CARD8: variants seen among roughly 807,000 people sequenced by gnomAD.
The protein encoded by CARD8 is caspase recruitment domain-containing protein 8.
Under a neutral mutation model 53.2 loss-of-function variants are expected in CARD8, and 38 were observed. The observed-to-expected ratio is 0.71, with a 90% CI of 0.55 to 0.94. The LOEUF is 0.94. CARD8 is among the 40% of genes least tolerant of loss of function. CARD8 has a pLI of 0.00. For synonymous variants in CARD8, 245 were observed against 244.9 expected (o/e 1.00, Z 0.00); for missense variants, 561 against 655.5 (o/e 0.86, Z 1.57).
chr19:48,204,217 TCAAAGGTTGG>T (rs1568590369), downstream of CARD8: 1 of 455,558 alleles, frequency 2.2e-6, no homozygotes, highest in Non-Finnish European at 4.4e-6. Context: ...GGAGGGGGAT[TCAAAGGTTGG>T]CGTTGCCACA....
chr19:48,254,635 C>T (rs1342998161), intron 1 of CARD8, among the ~76,000 whole-genome samples: 4 of 152,018 alleles, frequency 2.6e-5, no homozygotes, highest in Non-Finnish European at 4.4e-5. Flanking sequence ...CACCTGTAGT[C>T]GCAGCTACTC....
intron 1 of CARD8, among the ~76,000 whole-genome samples, chr19:48,252,787 C>T (rs1016054042): frequency 3.5e-5 from 5 of 141,522 alleles, no homozygotes; most frequent in East Asian, 2.1e-4. Flanking sequence ...TGTGAGCCAC[C>T]GCACTGGCCT....
At chr19:48,203,985 C>T (rs1487359481), downstream of CARD8, 4 of 341,408 alleles carry the variant, frequency 1.2e-5, no homozygotes, top group South Asian at 6.2e-5. Flanking sequence ...GTAGAACCCG[C>T]GGGCCCAGAG....
At chr19:48,243,781 A>AT (rs2045633542) in intron 3 of CARD8, among the ~76,000 whole-genome samples, 1 of 152,162 alleles carries the variant, frequency 6.6e-6, no homozygotes, top group African/African-American at 2.4e-5. Flanking sequence ...ATCCCAGGAG[A>AT]TTAAGGTCGC....
intron 5 of CARD8, among the ~76,000 whole-genome samples, chr19:48,235,346 T>A (rs756641297): frequency 2.0e-5 from 3 of 152,154 alleles, no homozygotes; most frequent in Non-Finnish European, 4.4e-5. Context: ...AGTTTTAAAT[T>A]GTTAAATGTG....
intron 13 of CARD8, 90 bp from the exon 14 acceptor site, chr19:48,212,065 G>A: frequency 1.6e-6 from 2 of 1,226,138 alleles, no homozygotes; most frequent in Middle Eastern, 2.6e-4. Context: ...ATTCAGGGGT[G>A]GGAGATTGCT....
In CARD8 at chr19:48,221,854, G is replaced by T. The variant is rs1205153080; in HGVS notation, c.1037C>A (p.Ala346Glu). Reference sequence around the variant, plus strand: ...GAAGCGATCTTCCTCATCATCTATCGCCTAAGGAAGAAGGGGCAGAAACAT... The same window carrying T: ...GAAGCGATCTTCCTCATCATCTATCTCCTAAGGAAGAAGGGGCAGAAACAT... ...LVPSDALLTK[A>E]IDDEEDRFHG... Residue 346 changes from alanine to glutamate, a missense_variant and splice_region_variant, in exon 11 of 14, where the codon GCG (alanine) becomes GAG (glutamate). By Grantham distance (107) the Ala-to-Glu change is moderately radical (BLOSUM62 -1). Transcript: ENST00000651546. 1.3e-6 allele frequency: 2 copies of T among 1,589,798 alleles called. No individual in the cohort carries two copies. The highest frequency in any genetic ancestry group is 1.7e-6 in the Non-Finnish European group (2 of 1,165,782).
rs1461093216 is a variant in CARD8, at chr19:48,208,159, T to C, written c.*3551A>G. 1 of 152,234 alleles carries C rather than the reference T, an allele frequency of 6.6e-6. No individual in the cohort carries two copies. Among genetic ancestry groups the C allele is most frequent in the Non-Finnish European group, 1.5e-5 (1 of 68,040 alleles). The allele number at this position is 152,234 out of a possible 1,614,324, so 9.4% of individuals were successfully genotyped here. The stretch of plus-strand genomic sequence containing the variant: ...AAATTTATGAAGTACATTCTTCAAA[T>C]GTAACAATTTAGTTCTACTTCAAGA... On this transcript the variant is annotated 3_prime_UTR_variant, in exon 14 of 14. Coordinates refer to ENST00000651546, the MANE Select transcript of CARD8 (RefSeq NM_001184900.3).
At chr19:48,215,880 C>T (rs150982531) in intron 12 of CARD8, among the ~76,000 whole-genome samples, 50 of 152,216 alleles carry the variant, frequency 3.3e-4, no homozygotes, top group African/African-American at 8.9e-4. Context: ...TGTGGTTTTG[C>T]ACTTTCATCT....
In CARD8 at chr19:48,208,172, T is replaced by A. The variant is rs1049267599; in HGVS notation, c.*3538A>T. ...ACATTCTTCAAATGTAACAATTTAGTTCTACTTCAAGATAAGGTATAGACA... is the reference window on the plus strand; with the variant it reads ...ACATTCTTCAAATGTAACAATTTAGATCTACTTCAAGATAAGGTATAGACA... On this transcript the variant is annotated 3_prime_UTR_variant, in exon 14 of 14. Coordinates refer to ENST00000651546, the MANE Select transcript of CARD8 (RefSeq NM_001184900.3). 6 of 152,230 alleles carry A rather than the reference T, an allele frequency of 3.9e-5. No individual in the cohort carries two copies. Among genetic ancestry groups the A allele is most frequent in the African/African-American group, 1.4e-4 (6 of 41,458 alleles). 9.4% of individuals were successfully genotyped at this position (152,230 alleles called of 1,614,324 possible).
At chr19:48,215,457 G>A (rs2039074431) in intron 12 of CARD8, 73 bp from the exon 13 acceptor site, 1 of 1,002,688 alleles carries the variant, frequency 1.0e-6, no homozygotes, top group Non-Finnish European at 1.6e-6. Context: ...TCTAGTCTTT[G>A]ATGCAACCAA....
chr19:48,248,237 C>G (rs866004327), intron 3 of CARD8, among the ~76,000 whole-genome samples: 2 of 152,054 alleles, frequency 1.3e-5, no homozygotes, highest in African/African-American at 4.8e-5. Context: ...GAAGTTATAG[C>G]CTTGCCTGCA....
At position 48,231,752 on chromosome 19, in the gene CARD8, A is replaced by G; in HGVS notation, c.450T>C (p.Phe150=). ...IVSSYASKVC[F]EIEEDYKNRQ... is the part of the protein sequence containing the mutation. ...GATTTTTATAATCTTCTTCGATCTC[A>G]AAACAGACTTTAGAAGCATAAGAGG... Residue 150 remains phenylalanine, a synonymous_variant, in exon 8 of 14, where the codon TTT becomes TTC. Transcript: ENST00000651546. 1 of 1,613,496 alleles carries G rather than the reference A, an allele frequency of 6.2e-7. No individual in the cohort carries two copies. The highest frequency in any genetic ancestry group is 1.1e-5 in the South Asian group (1 of 91,042).
At chr19:48,206,113 G>A (rs1191855961), downstream of CARD8, among the ~76,000 whole-genome samples, 1 of 151,934 alleles carries the variant, frequency 6.6e-6, no homozygotes, top group Non-Finnish European at 1.5e-5. Context: ...GGCCAGGCTG[G>A]TCTCGAACTC....
In CARD8 at chr19:48,231,028, T is replaced by C. The variant is rs371457675; in HGVS notation, c.543-22A>G. 2.5e-6 allele frequency: 4 copies of C among 1,588,788 alleles called. No homozygotes were observed. In the African/African-American group the frequency reaches 5.4e-5, roughly 21 times the overall value. ...AACGCTGAAAGGAGCCAGAGTGATG[T>C]CATGACGGGAGAACCCCAGGACTTG... is the stretch of plus-strand genomic sequence containing the variant. On this transcript the variant is annotated intron_variant, in intron 8 of 13. Transcript: ENST00000651546.
intron 10 of CARD8, 94 bp from the exon 11 acceptor site, chr19:48,221,949 C>T (rs1376101117): frequency 7.1e-6 from 7 of 980,572 alleles, no homozygotes; most frequent in Non-Finnish European, 8.7e-6. Flanking sequence ...TTAAGTAGCA[C>T]GTAGGCTATG....
intron 6 of CARD8, chr19:48,234,170 T>C (rs2043431923): frequency 4.3e-6 from 2 of 464,148 alleles, no homozygotes; most frequent in Non-Finnish European, 7.6e-6. Context: ...TGGTCTTCGA[T>C]TGCATTGCTC....
intron 10 of CARD8, among the ~76,000 whole-genome samples, chr19:48,227,087 CAA>C (rs57953827): frequency 1.2e-4 from 12 of 103,984 alleles, no homozygotes; most frequent in Non-Finnish European, 9.9e-5. Context: ...GACTCCGTCT[CAA>C]AAAAAAAAAA....
At position 48,240,948 on chromosome 19, in the gene CARD8, G is replaced by A. The variant is rs976339098; in HGVS notation, c.59+14C>T. On this transcript the variant is annotated intron_variant, in intron 4 of 13. Transcript: ENST00000651546. ...CAGCCATCAGGAGCCCTCACAGAGC[G>A]CAAAGTCACTCACCGTCTCGGCAGC... 1.6e-5 allele frequency: 25 copies of A among 1,533,224 alleles called. No individual in the cohort carries two copies. Among genetic ancestry groups the A allele is most frequent in the African/African-American group, 9.6e-5 (7 of 72,958 alleles). 95.0% of individuals were successfully genotyped at this position (1,533,224 alleles called of 1,614,324 possible).
Sources: gnomAD v4.1 joint callset for allele counts (sites outside exome capture counted in the v4.1 genomes callset) on GRCh38, gnomAD v4.1.1 for gene constraint, MANE v1.5 for transcripts, NCBI Gene and HGNC (gene_info 2026-07-23, HGNC 2026-07-21) for gene names.